Variants in HLCS observed in about 807,000 individuals in gnomAD.
HLCS encodes biotin--protein ligase.
In HLCS, 53 loss-of-function variants were observed where a neutral mutation model predicts 75.0. That is an observed-to-expected ratio of 0.71 (90% CI 0.57 to 0.89). The LOEUF (loss-of-function observed/expected upper bound fraction) is 0.89, where lower values mean the gene tolerates loss of function less well. Ranked by LOEUF, HLCS falls within the 40% of genes least tolerant of loss-of-function variation. HLCS has a pLI of 0.00. For synonymous variants in HLCS, 431 were observed against 428.6 expected, an observed-to-expected ratio of 1.01 and a Z score of -0.07; for missense variants, 966 against 1,074.0, an observed-to-expected ratio of 0.90 and a Z score of 1.41.
chr21:36,884,210 C>T (rs1482950570), intron 6 of HLCS, among the ~76,000 whole-genome samples: 2 of 152,192 alleles, frequency 1.3e-5, no homozygotes, highest in Non-Finnish European at 2.9e-5. Flanking sequence ...AATCCTTTTC[C>T]GAAGCTTTTG....
At chr21:36,797,685 T>C (rs1414813888) in intron 6 of HLCS, among the ~76,000 whole-genome samples, 2 of 152,236 alleles carry the variant, frequency 1.3e-5, no homozygotes, top group Admixed American at 6.5e-5. Flanking sequence ...AGCCAGAGCC[T>C]GCTCAGCAGA....
At chr21:36,883,625 G>T (rs1434386726) in intron 6 of HLCS, among the ~76,000 whole-genome samples, 1 of 152,160 alleles carries the variant, frequency 6.6e-6, no homozygotes, top group African/African-American at 2.4e-5. Flanking sequence ...CATATGCTCA[G>T]GTTTTATTTG....
intron 6 of HLCS, among the ~76,000 whole-genome samples, chr21:36,866,821 C>T (rs2063572639): frequency 1.3e-5 from 2 of 150,922 alleles, no homozygotes; most frequent in African/African-American, 4.9e-5. Context: ...GCTATAAAAC[C>T]AAGCCAAGAA....
chr21:36,936,725 T>C lies in HLCS; in HGVS notation c.1161A>G (p.Gly387=), dbSNP rs1296949529. 2 of 1,614,116 alleles carry C rather than the reference T, an allele frequency of 1.2e-6. No individual in the cohort carries two copies. Among genetic ancestry groups the C allele is most frequent in the East Asian group, 4.5e-5 (2 of 44,878 alleles). Residue 387 remains glycine (G), a synonymous_variant, in exon 4 of 11, where the codon GGA becomes GGG. Transcript: ENST00000674895. ...YQKFMAYLSQ[G]GKVLGLSSSF... is the part of the protein sequence containing the mutation. ...ATGAAGACAGGCCCAACACCTTCCC[T>C]CCCTGAGAAAGATAGGCCATGAACT...
intron 6 of HLCS, among the ~76,000 whole-genome samples, chr21:36,844,252 T>C (rs2062718877): frequency 6.6e-6 from 1 of 152,128 alleles, no homozygotes; most frequent in African/African-American, 2.4e-5. Flanking sequence ...ATCGTGGAAC[T>C]GATGGACTTC....
At chr21:36,783,695 T>G (rs974454381) in intron 6 of HLCS, among the ~76,000 whole-genome samples, 1 of 152,304 alleles carries the variant, frequency 6.6e-6, no homozygotes, top group South Asian at 2.1e-4. Context: ...CTCCCTACAG[T>G]GGCTTCATTC....
chr21:36,942,794 G>A (rs755185724), intron 2 of HLCS, among the ~76,000 whole-genome samples: 8 of 151,960 alleles, frequency 5.3e-5, no homozygotes, highest in East Asian at 3.9e-4. Flanking sequence ...TAAGGCACCC[G>A]GCAAAGGCAC....
intron 4 of HLCS, 61 bp from the exon 5 acceptor site, chr21:36,930,494 T>G: frequency 7.4e-7 from 1 of 1,349,308 alleles, no homozygotes; most frequent in Admixed American, 2.0e-5. Flanking sequence ...AGAAAAACAG[T>G]TTCTTTTTTC....
chr21:36,974,819 G>C (rs1206577180), intron 1 of HLCS: 1 of 152,188 alleles, frequency 6.6e-6, no homozygotes, highest in Non-Finnish European at 1.5e-5. Flanking sequence ...CTTCATCTTG[G>C]ACTTCTAGCT....
rs57049197 is a variant in HLCS, at chr21:36,983,223, T to C, written c.-393+6935A>G. Among the ~76,000 whole-genome samples the C allele has an allele frequency of 7.1e-3, 1,082 of 152,040 alleles. 15 individuals carry two copies. The highest frequency in any genetic ancestry group is 0.025 in the African/African-American group (1,049 of 41,494). On this transcript the variant is annotated intron_variant, in intron 1 of 11. Transcript: ENST00000336648. ...TTTTTAATGTTTGTTTATTTATTTA[T>C]TTAATGAGACAGAGTCTCACTCTGT...
intron 5 of HLCS, among the ~76,000 whole-genome samples, chr21:36,915,749 T>C (rs2065902195): frequency 6.6e-6 from 1 of 150,662 alleles, no homozygotes; most frequent in Non-Finnish European, 1.5e-5. Flanking sequence ...CTGATTCTTC[T>C]AGAAACTGTT....
In HLCS at chr21:36,767,281, T is replaced by A; in HGVS notation, c.1897A>T (p.Met633Leu). The A allele has an allele frequency of 6.2e-7, 1 of 1,614,120 alleles. No individual in the cohort carries two copies. The highest frequency in any genetic ancestry group is 1.6e-4 in the Middle Eastern group (1 of 6,062). Residue 633 changes from methionine to leucine, a missense_variant, in exon 7 of 11, where the codon ATG (methionine) becomes TTG (leucine). Transcript: ENST00000674895. ...CCCATTTCCTGCGGTGTCTGAAACA[T>A]CAGCCTGCCGAAGAGGGGGAAAGAC... Reference protein sequence around the residue: ...PTTMRLLDGLMFQTPQEMGLI... With the variant: ...PTTMRLLDGLLFQTPQEMGLI...
intron 6 of HLCS, among the ~76,000 whole-genome samples, chr21:36,820,394 C>G (rs2061799666): frequency 6.6e-6 from 1 of 152,234 alleles, no homozygotes; most frequent in African/African-American, 2.4e-5. Flanking sequence ...TGGGATTCCT[C>G]GCGCTGTCAG....
intron 5 of HLCS, among the ~76,000 whole-genome samples, chr21:36,917,315 C>T (rs1176720915): frequency 1.3e-5 from 2 of 152,102 alleles, no homozygotes; most frequent in Non-Finnish European, 2.9e-5. Context: ...CTGCCTTTGC[C>T]GGGGAAGGGC....
chr21:36,976,602 A>G (rs2068944987), intron 1 of HLCS, among the ~76,000 whole-genome samples: 1 of 151,616 alleles, frequency 6.6e-6, no homozygotes, highest in East Asian at 1.9e-4. Context: ...TAACAATAAT[A>G]ATAATAATGT....
chr21:36,875,519 G>A (rs767377580), intron 6 of HLCS, among the ~76,000 whole-genome samples: 16 of 152,164 alleles, frequency 1.1e-4, no homozygotes, highest in African/African-American at 1.4e-4. Context: ...TCTCCTCTTC[G>A]CTGAGAGCCA....
chr21:36,971,157 A>G (rs1398513520), upstream of HLCS, among the ~76,000 whole-genome samples: 1 of 152,212 alleles, frequency 6.6e-6, no homozygotes, highest in Non-Finnish European at 1.5e-5. Context: ...TAGAGCATCA[A>G]AAGAATTTAA....
At chr21:36,897,271 A>C (rs986591664) in intron 5 of HLCS, 140 bp from the exon 6 acceptor site, 6 of 780,678 alleles carry the variant, frequency 7.7e-6, no homozygotes, top group Admixed American at 4.2e-5. Context: ...CATATTCCAT[A>C]CATCTAAACG....
chr21:36,983,056 C>CA (rs1375473152), intron 1 of HLCS, among the ~76,000 whole-genome samples: 1 of 151,532 alleles, frequency 6.6e-6, no homozygotes, highest in Admixed American at 6.6e-5. Context: ...AAAACAAAAA[C>CA]AAAAAAACTC....
Sources: gnomAD v4.1 joint callset for allele counts (sites outside exome capture counted in the v4.1 genomes callset) on GRCh38, gnomAD v4.1.1 for gene constraint, MANE v1.5 for transcripts, NCBI Gene and HGNC (gene_info 2026-07-23, HGNC 2026-07-21) for gene names.